The following ZC3H7A variants were observed in gnomAD, a reference collection of about 807,000 sequenced individuals.
ZC3H7A encodes zinc finger CCCH-type containing 7A, also known as zinc finger CCCH domain-containing protein 7A.
In ZC3H7A, 44 loss-of-function variants were observed where a neutral mutation model predicts 125.5. The ratio of observed to expected loss-of-function variants is 0.35; its 90% CI spans 0.28 to 0.45. The LOEUF (loss-of-function observed/expected upper bound fraction) is 0.45, where lower values mean the gene tolerates loss of function less well. Among genes scored for constraint, ZC3H7A ranks in the 20% least tolerant of loss-of-function variants. ZC3H7A has a pLI of 1.00. For missense variants in ZC3H7A, 977 were observed against 1,170.7 expected (o/e 0.83, Z 2.41); for synonymous variants, 399 against 391.2 (o/e 1.02, Z -0.23).
chr16:11,765,453 AACTTT>A lies in ZC3H7A; in HGVS notation c.1719+31_1719+35del. On this transcript the variant is annotated intron_variant, in intron 14 of 22. Coordinates refer to ENST00000355758, the MANE Select transcript of ZC3H7A (RefSeq NM_014153.4). The surrounding 1 kb of genome is among the most constrained non-coding windows in gnomAD (Gnocchi z 4.8). ...ACAATACCACTGGGCTTGCAAATTC[AACTTT>A]ACAGTGGAAAATAAGTTTTGGAGAA... is the stretch of plus-strand genomic sequence containing the variant. 6.4e-7 allele frequency: 1 copy of A among 1,565,008 alleles called. No homozygotes were observed. Among genetic ancestry groups the A allele is most frequent in the South Asian group, 1.2e-5 (1 of 84,896 alleles).
At chr16:11,791,724 GT>G (rs1277817208) in intron 1 of ZC3H7A, among the ~76,000 whole-genome samples, 3 of 152,226 alleles carry the variant, frequency 2.0e-5, no homozygotes, top group African/African-American at 4.8e-5. Context: ...GCTGGTTATA[GT>G]GGGGCTTGGC....
intron 1 of ZC3H7A, among the ~76,000 whole-genome samples, chr16:11,788,247 G>C (rs2053289286): frequency 6.6e-6 from 1 of 151,850 alleles, no homozygotes; most frequent in African/African-American, 2.4e-5. Context: ...GCAAGCTGAG[G>C]CTCCATCTCC....
At chr16:11,775,070 C>T in intron 7 of ZC3H7A, 57 bp from the exon 8 acceptor site, 1 of 1,595,880 alleles carries the variant, frequency 6.3e-7, no homozygotes, top group East Asian at 2.2e-5. Flanking sequence ...AGCCATAAAA[C>T]AATCAGTAAA....
chr16:11,777,036 G>T, intron 4 of ZC3H7A, 127 bp from the exon 5 acceptor site: 1 of 651,740 alleles, frequency 1.5e-6, no homozygotes, highest in Non-Finnish European at 2.3e-6. Context: ...CAAGTTAGCA[G>T]TATTACTTTT....
chr16:11,781,802 C>G (rs1013351481), intron 2 of ZC3H7A, among the ~76,000 whole-genome samples: 1 of 151,858 alleles, frequency 6.6e-6, no homozygotes. Flanking sequence ...AATATTTGAT[C>G]CAATTTACTG....
At chr16:11,764,768 T>C (rs1172565438) in intron 15 of ZC3H7A, among the ~76,000 whole-genome samples, 1 of 152,004 alleles carries the variant, frequency 6.6e-6, no homozygotes, top group Non-Finnish European at 1.5e-5. Flanking sequence ...AATTGTTGAA[T>C]TAATTGGGGG....
At chr16:11,786,135 A>C (rs1291692970) in intron 1 of ZC3H7A, among the ~76,000 whole-genome samples, 1 of 152,126 alleles carries the variant, frequency 6.6e-6, no homozygotes, top group Non-Finnish European at 1.5e-5. Context: ...AAATTAAACA[A>C]ATTTTTAAAG....
rs1426270659 is a variant in ZC3H7A, at chr16:11,765,588, T to G, written c.1620A>C (p.Ala540=). ...CGCCAAAGAAAGCCTCCCGGCTGAA[T>G]GCTCCTTTCCGCTCCAGTGTCCACA... ...IDVWTLERKG[A]FSREAFFGGN... Residue 540 remains alanine, a synonymous_variant, in exon 14 of 23, where the codon GCA becomes GCC. Transcript: ENST00000355758. The surrounding 1 kb of genome is among the most constrained non-coding windows in gnomAD (Gnocchi z 4.8). 3 of 1,614,082 alleles carry G rather than the reference T, an allele frequency of 1.9e-6. No individual in the cohort carries two copies.
chr16:11,764,358 A>G (rs2052816522), intron 15 of ZC3H7A, among the ~76,000 whole-genome samples: 1 of 152,090 alleles, frequency 6.6e-6, no homozygotes, highest in African/African-American at 2.4e-5. Flanking sequence ...AGACCAGCCC[A>G]GCCAACATGG....
At chr16:11,776,691 A>T (rs1257004398) in intron 5 of ZC3H7A, 60 bp downstream of exon 5, 7 of 1,542,100 alleles carry the variant, frequency 4.5e-6, no homozygotes, top group Admixed American at 2.1e-5. Flanking sequence ...AACTCTTTAA[A>T]TGCCATTTAT....
At chr16:11,768,946 G>C in intron 11 of ZC3H7A, 85 bp downstream of exon 11, 1 of 1,362,400 alleles carries the variant, frequency 7.3e-7, no homozygotes, top group South Asian at 1.3e-5. Flanking sequence ...AAGGGAGACT[G>C]TCATGTTCAT....
chr16:11,791,000 G>GTCT (rs1309114470), intron 1 of ZC3H7A, among the ~76,000 whole-genome samples: 1 of 150,802 alleles, frequency 6.6e-6, no homozygotes. Context: ...TTAAGCCCAG[G>GTCT]TCTTCAAGGC....
At chr16:11,791,071 CTAAAA>C (rs1297871048) in intron 1 of ZC3H7A, among the ~76,000 whole-genome samples, 1 of 142,308 alleles carries the variant, frequency 7.0e-6, no homozygotes, top group Non-Finnish European at 1.5e-5. Flanking sequence ...GACCCTGTCT[CTAAAA>C]TAAATTTTTA....
At chr16:11,796,567 A>AGGTCCC (rs1024489341) in intron 1 of ZC3H7A, 21 of 153,722 alleles carry the variant, frequency 1.4e-4, no homozygotes, top group Non-Finnish European at 2.6e-4. Flanking sequence ...GGGAACTGAC[A>AGGTCCC]GGTCCCGGTC....
rs770189488 is a variant in ZC3H7A, at chr16:11,767,571, C to T, written c.1368G>A (p.Lys456=). The T allele has an allele frequency of 6.4e-7, 1 of 1,566,916 alleles. No homozygotes were observed. The highest frequency in any genetic ancestry group is 8.6e-7 in the Non-Finnish European group (1 of 1,159,936). ...TAGCATGGTAAGTGAAATCCATTAA[C>T]TTAGGGCCTGAAAAAGATGTAAAGA... The part of the protein sequence containing the change: ...CQICFVKSGP[K]LMDFTYHANI... The change falls in exon 13 of 23, where the codon AAG becomes AAA. Residue 456 remains lysine (K), a synonymous_variant. Coordinates refer to ENST00000355758, the MANE Select transcript of ZC3H7A (RefSeq NM_014153.4).
chr16:11,762,478 T>C (rs568675651), intron 17 of ZC3H7A, among the ~76,000 whole-genome samples, 193 bp downstream of exon 17: 1 of 152,172 alleles, frequency 6.6e-6, no homozygotes, highest in South Asian at 2.1e-4. Flanking sequence ...TTGGCAAGCA[T>C]TGTGGGCTGC....
chr16:11,796,278 CA>C (rs1343149126), intron 1 of ZC3H7A: 1 of 152,258 alleles, frequency 6.6e-6, no homozygotes, highest in Non-Finnish European at 1.5e-5. Flanking sequence ...GTACGTTTCA[CA>C]GCTGGGACCG....
chr16:11,768,514 T>TAAA lies in ZC3H7A; in HGVS notation c.1174-14_1174-13insTTT, dbSNP rs771641863. 24 of 1,142,346 alleles carry TAAA rather than the reference T, an allele frequency of 2.1e-5. No homozygotes were observed. Among genetic ancestry groups the TAAA allele is most frequent in the South Asian group, 1.9e-4 (5 of 26,226 alleles). The allele number at this position is 1,142,346 out of a possible 1,614,324, so 70.8% of individuals were successfully genotyped here. ...CTGGTCCATTCATCTGCAAGAAAAATAAGAAGAAAAAAAAAAAAAACAGCC... is the reference window on the plus strand; with the variant it reads ...CTGGTCCATTCATCTGCAAGAAAAATAAAAAGAAGAAAAAAAAAAAAAACAGCC... On this transcript the variant is annotated splice_polypyrimidine_tract_variant and intron_variant, in intron 11 of 22. Transcript: ENST00000355758.
At chr16:11,751,656 G>T in intron 22 of ZC3H7A, 150 bp from the exon 23 acceptor site, 5 of 736,486 alleles carry the variant, frequency 6.8e-6, no homozygotes, top group Non-Finnish European at 8.4e-6. Flanking sequence ...ATATTTTATA[G>T]CCATGACATC....
Sources: allele counts gnomAD v4.1 joint callset (sites outside exome capture counted in the v4.1 genomes callset), GRCh38; gene constraint gnomAD v4.1.1; non-coding constraint Gnocchi (gnomAD v3.1); transcripts MANE v1.5; gene names NCBI Gene and HGNC (gene_info 2026-07-23, HGNC 2026-07-21).